The following TMEM117 variants were observed in gnomAD, a reference collection of about 807,000 sequenced individuals.
TMEM117 encodes transmembrane protein 117.
A neutral mutation model predicts 52.4 loss-of-function variants in TMEM117; 27 were observed. The ratio of observed to expected loss-of-function variants is 0.51; its 90% CI spans 0.38 to 0.71. The LOEUF is 0.71. TMEM117 is among the 30% of genes least tolerant of loss of function. The probability of loss-of-function intolerance (pLI) is 0.00; values close to 1 mark genes in which losing one functional copy is unlikely to be tolerated. For missense variants in TMEM117, 556 were observed against 630.5 expected, an observed-to-expected ratio of 0.88 and a Z score of 1.26; for synonymous variants, 215 against 206.3, an observed-to-expected ratio of 1.04 and a Z score of -0.36.
intron 3 of TMEM117, among the ~76,000 whole-genome samples, chr12:44,016,828 T>G (rs571528721): frequency 6.6e-6 from 1 of 152,296 alleles, no homozygotes; most frequent in East Asian, 1.9e-4. Context: ...CAGTATCACC[T>G]GGGTGCCTGC....
the TMEM117 span, among the ~76,000 whole-genome samples, chr12:44,394,800 C>T: frequency 6.6e-6 from 1 of 152,162 alleles, no homozygotes; most frequent in Non-Finnish European, 1.5e-5. Context: ...GATCTTCCAG[C>T]TGTATTTGGA....
chr12:43,979,278 T>C (rs1945722061), intron 3 of TMEM117, among the ~76,000 whole-genome samples: 1 of 152,118 alleles, frequency 6.6e-6, no homozygotes, highest in Non-Finnish European at 1.5e-5. Flanking sequence ...TTAAACTTCC[T>C]AACTGTGTGT....
At chr12:43,835,066 A>G (rs925298700), upstream of TMEM117, among the ~76,000 whole-genome samples, 1 of 152,186 alleles carries the variant, frequency 6.6e-6, no homozygotes, top group Non-Finnish European at 1.5e-5. Flanking sequence ...CCATTTGATT[A>G]TATACACTAG....
chr12:44,259,821 A>T (rs564224133), intron 5 of TMEM117, among the ~76,000 whole-genome samples: 1 of 152,364 alleles, frequency 6.6e-6, no homozygotes, highest in East Asian at 1.9e-4. Context: ...AGAACTCGTT[A>T]TAAAATTATT....
the TMEM117 span, among the ~76,000 whole-genome samples, chr12:43,828,224 C>G: frequency 6.6e-6 from 1 of 152,194 alleles, no homozygotes. Context: ...GTACCTTAGT[C>G]TACAATATTT....
At chr12:44,334,754 G>A (rs1013665005) in intron 6 of TMEM117, among the ~76,000 whole-genome samples, 3 of 151,846 alleles carry the variant, frequency 2.0e-5, no homozygotes, top group African/African-American at 7.3e-5. Flanking sequence ...GTGGAATAGT[G>A]GCCACCACAC....
At chr12:43,885,752 A>T (rs1169006377) in intron 2 of TMEM117, among the ~76,000 whole-genome samples, 1 of 152,232 alleles carries the variant, frequency 6.6e-6, no homozygotes, top group Non-Finnish European at 1.5e-5. Flanking sequence ...TGGTAGAAGC[A>T]GTAATACAGA....
At chr12:43,839,430 A>AT (rs1943083812) in intron 1 of TMEM117, among the ~76,000 whole-genome samples, 1 of 152,006 alleles carries the variant, frequency 6.6e-6, no homozygotes, top group Admixed American at 6.6e-5. Flanking sequence ...TGCCCTCCTT[A>AT]ACGATCCTTA....
At chr12:44,277,952 T>TG (rs1220572836) in intron 5 of TMEM117, among the ~76,000 whole-genome samples, 1 of 151,726 alleles carries the variant, frequency 6.6e-6, no homozygotes, top group Non-Finnish European at 1.5e-5. Context: ...TTAGTAGAGA[T>TG]GGGGTTTCAC....
chr12:44,334,501 T>G (rs1951313686), intron 6 of TMEM117, among the ~76,000 whole-genome samples: 1 of 152,014 alleles, frequency 6.6e-6, no homozygotes, highest in African/African-American at 2.4e-5. Flanking sequence ...TAAGTCTTTT[T>G]TAATCACCTT....
intron 2 of TMEM117, among the ~76,000 whole-genome samples, chr12:43,865,880 T>C (rs1290712970): frequency 6.6e-6 from 1 of 151,740 alleles, no homozygotes; most frequent in Non-Finnish European, 1.5e-5. Context: ...TTAGTAAAAT[T>C]AATACTCTTA....
chr12:44,056,933 A>G (rs941845960), intron 3 of TMEM117, among the ~76,000 whole-genome samples: 2 of 152,132 alleles, frequency 1.3e-5, no homozygotes, highest in African/African-American at 4.8e-5. Context: ...GCACCCACCT[A>G]TATGTAGGGA....
chr12:44,379,361 A>G (rs1951988616), intron 7 of TMEM117, among the ~76,000 whole-genome samples: 1 of 152,292 alleles, frequency 6.6e-6, no homozygotes, highest in Middle Eastern at 3.4e-3. Context: ...GTCTCAAAAA[A>G]TAAGCTAAAA....
At chr12:43,854,761 T>G (rs2137382178) in intron 2 of TMEM117, among the ~76,000 whole-genome samples, 1 of 152,110 alleles carries the variant, frequency 6.6e-6, no homozygotes, top group African/African-American at 2.4e-5. Context: ...CTCAGCCTCC[T>G]GAGTAGCTGG....
At chr12:44,296,786 AGCCGGTC>A (rs1950774550) in intron 5 of TMEM117, among the ~76,000 whole-genome samples, 1 of 152,208 alleles carries the variant, frequency 6.6e-6, no homozygotes, top group South Asian at 2.1e-4. Flanking sequence ...GGCTGAGATC[AGCCGGTC>A]TGTTGTACAA....
intron 4 of TMEM117, among the ~76,000 whole-genome samples, chr12:44,191,758 T>A (rs1304294206): frequency 2.0e-5 from 3 of 152,156 alleles, no homozygotes; most frequent in African/African-American, 7.2e-5. Context: ...GCTATCACAA[T>A]GCTTAGTGGA....
intron 2 of TMEM117, among the ~76,000 whole-genome samples, chr12:43,943,088 G>C (rs1320883677): frequency 7.1e-6 from 1 of 140,118 alleles, no homozygotes; most frequent in African/African-American, 2.6e-5. Context: ...TGAGGCAGGG[G>C]AATCACTTGA....
the TMEM117 span, among the ~76,000 whole-genome samples, chr12:43,819,788 AAGAG>A: frequency 9.2e-5 from 14 of 151,866 alleles, no homozygotes; most frequent in East Asian, 2.5e-3. Context: ...AAAAGAGAGA[AAGAG>A]AGAGAGAGGG....
intron 2 of TMEM117, among the ~76,000 whole-genome samples, chr12:43,867,047 C>T (rs982914452): frequency 6.6e-6 from 1 of 151,502 alleles, no homozygotes; most frequent in African/African-American, 2.4e-5. Context: ...CCAGATTGCG[C>T]CATTGCACTC....
Sources: allele counts gnomAD v4.1 joint callset (sites outside exome capture counted in the v4.1 genomes callset), GRCh38; gene constraint gnomAD v4.1.1; transcripts MANE v1.5; gene names NCBI Gene and HGNC (gene_info 2026-07-23, HGNC 2026-07-21).